LEF1: variants seen among roughly 807,000 people sequenced by gnomAD.
LEF1 encodes the protein lymphoid enhancer binding factor 1, also known as lymphoid enhancer-binding factor 1.
Under a neutral mutation model 51.2 loss-of-function variants are expected in LEF1, and 14 were observed. The observed-to-expected ratio is 0.27, with a 90% CI of 0.18 to 0.43. The LOEUF is 0.43. Among genes scored for constraint, LEF1 ranks in the 20% least tolerant of loss-of-function variants. The probability of loss-of-function intolerance (pLI) is 1.00; values close to 1 mark genes in which losing one functional copy is unlikely to be tolerated. For synonymous variants in LEF1, 185 were observed against 183.2 expected (o/e 1.01, Z -0.08); for missense variants, 386 against 512.0 (o/e 0.75, Z 2.37).
chr4:108,097,870 T>C (rs1740496577), intron 3 of LEF1, among the ~76,000 whole-genome samples: 2 of 152,086 alleles, frequency 1.3e-5, no homozygotes, highest in Non-Finnish European at 1.5e-5. Flanking sequence ...TGCAGGTCAG[T>C]GGAAAATAAT....
chr4:108,111,135 G>C (rs141231451), intron 3 of LEF1, among the ~76,000 whole-genome samples: 3 of 152,264 alleles, frequency 2.0e-5, no homozygotes, highest in African/African-American at 7.2e-5. Flanking sequence ...TGAAAAGGAA[G>C]AAAGAATTAT....
chr4:108,069,720 G>A (rs1314315110), intron 9 of LEF1, among the ~76,000 whole-genome samples: 1 of 152,146 alleles, frequency 6.6e-6, no homozygotes, highest in African/African-American at 2.4e-5. Flanking sequence ...ACTTTGGGAG[G>A]CAGAAGCAGA....
chr4:108,051,602 C>T (rs921653673), intron 11 of LEF1, among the ~76,000 whole-genome samples: 4 of 152,156 alleles, frequency 2.6e-5, no homozygotes, highest in East Asian at 3.9e-4. Flanking sequence ...TCTCCGGCTG[C>T]GGCTGGGCTT....
At chr4:108,064,508 TCAC>T in intron 9 of LEF1, 124 bp from the exon 10 acceptor site, 1 of 644,742 alleles carries the variant, frequency 1.6e-6, no homozygotes, top group Non-Finnish European at 2.7e-6. Flanking sequence ...CTCTCCCTCT[TCAC>T]CATCTCTATC....
chr4:108,083,538 G>A, intron 4 of LEF1, 92 bp from the exon 5 acceptor site: 1 of 735,896 alleles, frequency 1.4e-6, no homozygotes, highest in Middle Eastern at 2.9e-4. Context: ...CATACTTAAG[G>A]TTCAGAATGA....
intron 3 of LEF1, among the ~76,000 whole-genome samples, chr4:108,134,931 T>C (rs1374362914): frequency 6.6e-6 from 1 of 152,174 alleles, no homozygotes; most frequent in African/African-American, 2.4e-5. Context: ...TTAAAAGGGA[T>C]ACAGATGCCT....
At chr4:108,124,382 T>C (rs1742379597) in intron 3 of LEF1, among the ~76,000 whole-genome samples, 1 of 152,010 alleles carries the variant, frequency 6.6e-6, no homozygotes, top group Non-Finnish European at 1.5e-5. Context: ...ACATTTTTTT[T>C]TTTTTGAGAT....
At chr4:108,059,567 C>A (rs901962097) in intron 11 of LEF1, among the ~76,000 whole-genome samples, 6 of 152,030 alleles carry the variant, frequency 3.9e-5, no homozygotes, top group African/African-American at 1.4e-4. Context: ...ATGGTATATA[C>A]CCTCTGCCTC....
chr4:108,073,167 C>T (rs1362524224), intron 8 of LEF1, among the ~76,000 whole-genome samples: 1 of 152,198 alleles, frequency 6.6e-6, no homozygotes, highest in Non-Finnish European at 1.5e-5. Context: ...ACACAGATCA[C>T]TGGAGGCCAG....
intron 3 of LEF1, among the ~76,000 whole-genome samples, chr4:108,111,758 C>CA (rs1223602230): frequency 1.3e-5 from 2 of 152,040 alleles, no homozygotes; most frequent in African/African-American, 4.8e-5. Flanking sequence ...CAAAAAAATA[C>CA]AAAAAAATTA....
chr4:108,056,004 C>G (rs1737283987), intron 11 of LEF1, among the ~76,000 whole-genome samples: 1 of 152,208 alleles, frequency 6.6e-6, no homozygotes, highest in African/African-American at 2.4e-5. Context: ...GTCCAGCTCT[C>G]CTCTCCATTA....
chr4:108,059,771 C>T (rs1737549153), intron 11 of LEF1, among the ~76,000 whole-genome samples: 1 of 151,768 alleles, frequency 6.6e-6, no homozygotes. Flanking sequence ...GGTATAATCT[C>T]AGCTCACTGC....
At chr4:108,049,779 GA>G (rs889026574) in intron 11 of LEF1, among the ~76,000 whole-genome samples, 1 of 152,172 alleles carries the variant, frequency 6.6e-6, no homozygotes, top group Non-Finnish European at 1.5e-5. Flanking sequence ...AATGGAAAAA[GA>G]AAGTAAAAGA....
At chr4:108,125,713 G>A (rs1742483497) in intron 3 of LEF1, among the ~76,000 whole-genome samples, 1 of 150,644 alleles carries the variant, frequency 6.6e-6, no homozygotes, top group African/African-American at 2.5e-5. Context: ...CACACCTTGG[G>A]ATTTTTTTTT....
intron 3 of LEF1, among the ~76,000 whole-genome samples, chr4:108,093,087 T>C (rs1278495315): frequency 2.0e-5 from 3 of 152,104 alleles, no homozygotes; most frequent in Admixed American, 1.3e-4. Context: ...TAGTAGCTTA[T>C]TTTAGTTCCT....
At chr4:108,072,507 G>T (rs1356827043) in intron 8 of LEF1, among the ~76,000 whole-genome samples, 1 of 152,216 alleles carries the variant, frequency 6.6e-6, no homozygotes, top group Non-Finnish European at 1.5e-5. Context: ...GTGCTGAAGA[G>T]GATAGATGAT....
intron 3 of LEF1, among the ~76,000 whole-genome samples, chr4:108,134,751 T>C (rs1306316727): frequency 5.3e-5 from 8 of 152,182 alleles, no homozygotes; most frequent in South Asian, 2.1e-4. Flanking sequence ...CATGAGGAAA[T>C]TAAAACCCTG....
chr4:108,109,032 T>C (rs949595309), intron 3 of LEF1, among the ~76,000 whole-genome samples: 3 of 152,206 alleles, frequency 2.0e-5, no homozygotes, highest in African/African-American at 7.2e-5. Context: ...AAACTTAACA[T>C]TTCTACCTAG....
intron 3 of LEF1, among the ~76,000 whole-genome samples, chr4:108,132,218 G>A (rs1742940760): frequency 6.6e-6 from 1 of 152,154 alleles, no homozygotes; most frequent in South Asian, 2.1e-4. Flanking sequence ...TATTCCCACT[G>A]ACATTCTGGA....
Sources: gnomAD v4.1 joint callset for allele counts (sites outside exome capture counted in the v4.1 genomes callset) on GRCh38, gnomAD v4.1.1 for gene constraint, MANE v1.5 for transcripts, NCBI Gene and HGNC (gene_info 2026-07-23, HGNC 2026-07-21) for gene names.